Variants in LYST observed in about 807,000 individuals in gnomAD.
LYST encodes lysosomal trafficking regulator.
A neutral mutation model predicts 413.6 loss-of-function variants in LYST; 192 were observed. The observed-to-expected ratio is 0.46, with a 90% CI of 0.41 to 0.52. The LOEUF is 0.52. LYST is among the 20% of genes least tolerant of loss of function. The probability of loss-of-function intolerance (pLI) is 0.00; values close to 1 mark genes in which losing one functional copy is unlikely to be tolerated. For synonymous variants in LYST, 1,525 were observed against 1,567.3 expected (o/e 0.97, Z 0.64); for missense variants, 3,815 against 4,499.9 (o/e 0.85, Z 4.35).
chr1:235,685,874 A>C (rs1660185041), intron 48 of LYST, among the ~76,000 whole-genome samples: 2 of 151,812 alleles, frequency 1.3e-5, no homozygotes. Flanking sequence ...AAAAACAAAC[A>C]AAAAAAGAAA....
intron 35 of LYST, 26 bp from the exon 36 acceptor site, chr1:235,730,969 T>C (rs1258020044): frequency 6.9e-6 from 11 of 1,605,164 alleles, no homozygotes; most frequent in African/African-American, 1.3e-5. Flanking sequence ...GTAAATATTA[T>C]CTTTATCTAA....
At chr1:235,775,802 C>T (rs1480954476) in intron 17 of LYST, among the ~76,000 whole-genome samples, 1 of 152,082 alleles carries the variant, frequency 6.6e-6, no homozygotes, top group Non-Finnish European at 1.5e-5. Context: ...ATCTAGGAAG[C>T]TGCAGGTTGC....
rs994777353 is a variant in LYST at position 235,734,781 on chromosome 1, C to T, written c.8359-122G>A. ...GTTGCATCTGATTTAAATAAAGCACCTACAAAAGACATTCTGAGGATAAGT... is the reference window on the plus strand; with the variant it reads ...GTTGCATCTGATTTAAATAAAGCACTTACAAAAGACATTCTGAGGATAAGT... On this transcript the variant is annotated intron_variant, in intron 31 of 52. Coordinates refer to ENST00000389793, the MANE Select transcript of LYST (RefSeq NM_000081.4). The T allele has an allele frequency of 1.4e-5, 9 of 636,022 alleles. No homozygotes were observed. The African/African-American group carries it at 1.5e-4, about 10-fold the overall frequency. 39.4% of individuals were successfully genotyped at this position (636,022 alleles called of 1,614,324 possible).
chr1:235,774,856 G>A (rs995466497), intron 18 of LYST, 57 bp downstream of exon 18: 18 of 1,131,098 alleles, frequency 1.6e-5, no homozygotes, highest in Non-Finnish European at 2.1e-5. Context: ...AGACTTTGAT[G>A]ACGAGATGAG....
At chr1:235,781,789 G>A in intron 15 of LYST, 138 bp downstream of exon 15, 1 of 669,090 alleles carries the variant, frequency 1.5e-6, no homozygotes, top group Non-Finnish European at 2.7e-6. Context: ...AAGGAACATA[G>A]ATGGATATTT....
Position 235,788,752 on chromosome 1 carries a change from G to T in LYST, c.4637C>A (p.Ala1546Glu). The change falls in exon 13 of 53, where the codon GCG (alanine) becomes GAG (glutamate). Residue 1546 changes from alanine (A) to glutamate (E), a missense_variant. This residue lies in a region of LYST where 1,648 missense variants were observed against 1,810.3 expected (regional missense o/e 0.91). Transcript: ENST00000389793. ...CIHIISLGSK[A>E]LMIQVWADPH... ...ATCAGCCCACACTTGGATCATCAAC[G>T]CTTTGGATCCCAGTGAAATTATATG... 2 of 1,613,634 alleles carry T rather than the reference G, an allele frequency of 1.2e-6. No homozygotes were observed. The highest frequency in any genetic ancestry group is 1.7e-6 in the Non-Finnish European group (2 of 1,179,740).
intron 1 of LYST, among the ~76,000 whole-genome samples, chr1:235,837,624 CAAAAAAA>C (rs34107122): frequency 4.1e-5 from 5 of 121,460 alleles, no homozygotes; most frequent in African/African-American, 8.5e-5. Context: ...GACCCTGTTT[CAAAAAAA>C]AAAAAAAAAG....
chr1:235,747,285 A>G (rs576069862), intron 28 of LYST: 3 of 452,250 alleles, frequency 6.6e-6, no homozygotes, highest in African/African-American at 6.0e-5. Flanking sequence ...AACCAAAATG[A>G]TGTCTTGGTA....
chr1:235,751,142 G>A (rs1261813778), intron 28 of LYST, 68 bp downstream of exon 28: 2 of 1,381,184 alleles, frequency 1.4e-6, no homozygotes, highest in Non-Finnish European at 2.1e-6. Context: ...AGTGTGAATG[G>A]CATAAGAACA....
At chr1:235,861,327 A>C (rs1208078204) in intron 1 of LYST, among the ~76,000 whole-genome samples, 1 of 152,202 alleles carries the variant, frequency 6.6e-6, no homozygotes, top group Non-Finnish European at 1.5e-5. Flanking sequence ...TTATTAGGTA[A>C]GATTTTTGTT....
At chr1:235,722,340 G>A (rs1035916977) in intron 39 of LYST, among the ~76,000 whole-genome samples, 23 of 152,216 alleles carry the variant, frequency 1.5e-4, no homozygotes, top group African/African-American at 5.5e-4. Flanking sequence ...TACTTTAGCT[G>A]CTGTGTTGAG....
intron 31 of LYST, chr1:235,735,090 T>C (rs922721294): frequency 6.6e-6 from 1 of 152,396 alleles, no homozygotes; most frequent in Admixed American, 6.5e-5. Context: ...ATAAAATATA[T>C]TTTAAAAAGC....
In LYST at chr1:235,669,882, C is replaced by T. The variant is rs370983097; in HGVS notation, c.11039-5261G>A. Among the ~76,000 whole-genome samples the T allele has an allele frequency of 2.2e-3, 338 of 152,336 alleles. 2 individuals carry two copies. The highest frequency in any genetic ancestry group is 7.7e-3 in the African/African-American group (319 of 41,576). On this transcript the variant is annotated intron_variant, in intron 50 of 52. Coordinates refer to ENST00000389793, the MANE Select transcript of LYST (RefSeq NM_000081.4). ...AAGAACCTGGACAACTTGCAGTCAA[C>T]ACCCTCTACCAGTGACACTGGGAGC...
At chr1:235,792,968 A>G (rs1429714355) in intron 11 of LYST, among the ~76,000 whole-genome samples, 2 of 152,120 alleles carry the variant, frequency 1.3e-5, no homozygotes, top group Admixed American at 6.5e-5. Flanking sequence ...CCTGCCTTAG[A>G]TGTTCTCTGG....
chr1:235,809,424 G>A lies in LYST; in HGVS notation c.1394C>T (p.Ala465Val), dbSNP rs764617457. The change falls in exon 5 of 53, where the codon GCC (alanine) becomes GTC (valine). Residue 465 changes from alanine (A) to valine (V), a missense_variant. Coordinates refer to ENST00000389793, the MANE Select transcript of LYST (RefSeq NM_000081.4). This position sits in a 1 kb window ranked among gnomAD's most constrained non-coding sequence, Gnocchi z 4.0. ...TATTAGGGCTTTCAAATGCTCTGAG[G>A]CCTCGGGAGGAACTCCATCTCTTAA... ...LVLRDGVPPE[A>V]SEHLKALINS... is the part of the protein sequence containing the mutation. 1 of 1,613,944 alleles carries A rather than the reference G, an allele frequency of 6.2e-7. No individual in the cohort carries two copies. Among genetic ancestry groups the A allele is most frequent in the South Asian group, 1.1e-5 (1 of 91,080 alleles).
At chr1:235,812,034 A>T (rs1222070251) in intron 4 of LYST, among the ~76,000 whole-genome samples, 1 of 152,194 alleles carries the variant, frequency 6.6e-6, no homozygotes, top group Non-Finnish European at 1.5e-5. Context: ...GAGATCTTCA[A>T]ACATCTCACA....
chr1:235,878,310 T>G (rs1681229456), intron 1 of LYST, among the ~76,000 whole-genome samples: 1 of 152,116 alleles, frequency 6.6e-6, no homozygotes, highest in Non-Finnish European at 1.5e-5. Context: ...GCAGAGCAAC[T>G]CTGGCTCTGC....
rs569435716 is a variant in LYST, at chr1:235,682,093, T to C, written c.10801-4474A>G. 1.2e-4 allele frequency among the ~76,000 whole-genome samples: 19 copies of C among 152,280 alleles called. 1 individual carries two copies. In the East Asian group the frequency reaches 3.5e-3, roughly 28 times the overall value. On this transcript the variant is annotated intron_variant, in intron 48 of 52. Coordinates refer to ENST00000389793, the MANE Select transcript of LYST (RefSeq NM_000081.4). ...TGGGAGGCTGAGGCAGGAGGATTGT[T>C]GAGCCCAGGAGCTCGAGAATAGCCT...
chr1:235,823,051 G>A (rs1182114876), intron 3 of LYST, among the ~76,000 whole-genome samples: 2 of 152,194 alleles, frequency 1.3e-5, no homozygotes, highest in African/African-American at 2.4e-5. Context: ...AGAATCATGA[G>A]CAAAGAAATC....
Sources: allele counts gnomAD v4.1 joint callset (sites outside exome capture counted in the v4.1 genomes callset), GRCh38; gene constraint gnomAD v4.1.1; regional missense constraint gnomAD v4.1.1; non-coding constraint Gnocchi (gnomAD v3.1); transcripts MANE v1.5; gene names NCBI Gene and HGNC (gene_info 2026-07-23, HGNC 2026-07-21).